Variants in DOCK3 observed in about 807,000 individuals in gnomAD.
DOCK3 encodes dedicator of cytokinesis 3.
Under a neutral mutation model 265.6 loss-of-function variants are expected in DOCK3, and 60 were observed. The observed-to-expected ratio is 0.23, with a 90% CI of 0.18 to 0.28. The LOEUF (loss-of-function observed/expected upper bound fraction) is 0.28, where lower values mean the gene tolerates loss of function less well. DOCK3 is among the 10% of genes least tolerant of loss of function. DOCK3 has a pLI of 1.00. For synonymous variants in DOCK3, 881 were observed against 938.0 expected, an observed-to-expected ratio of 0.94 and a Z score of 1.11; for missense variants, 1,981 against 2,594.3, an observed-to-expected ratio of 0.76 and a Z score of 5.14.
intron 38 of DOCK3, among the ~76,000 whole-genome samples, chr3:51,348,477 G>A (rs1311797811): frequency 1.3e-5 from 2 of 152,088 alleles, no homozygotes; most frequent in African/African-American, 2.4e-5. Flanking sequence ...AAATAAACAG[G>A]GTCCCTGCCC....
At chr3:51,128,226 GC>G (rs1329037969) in intron 9 of DOCK3, among the ~76,000 whole-genome samples, 1 of 152,160 alleles carries the variant, frequency 6.6e-6, no homozygotes, top group Non-Finnish European at 1.5e-5. Context: ...GGTGAGTGGT[GC>G]CACTTCCACT....
intron 4 of DOCK3, among the ~76,000 whole-genome samples, chr3:50,928,024 G>C (rs921570449): frequency 1.3e-5 from 2 of 151,754 alleles, no homozygotes; most frequent in African/African-American, 4.8e-5. Context: ...GATTTCATCA[G>C]TACTGTCTTG....
intron 5 of DOCK3, among the ~76,000 whole-genome samples, chr3:50,974,748 G>A (rs1013773856): frequency 2.0e-4 from 26 of 130,792 alleles, no homozygotes; most frequent in South Asian, 6.0e-4. Flanking sequence ...CCATTTTCAC[G>A]ATATTGATTC....
intron 20 of DOCK3, among the ~76,000 whole-genome samples, chr3:51,237,049 C>G (rs1391299769): frequency 6.6e-6 from 1 of 152,110 alleles, no homozygotes; most frequent in Non-Finnish European, 1.5e-5. Flanking sequence ...TCTTCTTCTT[C>G]CTAATTTGCC....
intron 5 of DOCK3, among the ~76,000 whole-genome samples, chr3:50,953,258 T>G (rs1244648563): frequency 1.3e-5 from 2 of 152,184 alleles, no homozygotes; most frequent in Non-Finnish European, 2.9e-5. Context: ...AAATGATGTT[T>G]GGTTTCTAGG....
At chr3:51,309,308 G>A (rs1204462887) in intron 27 of DOCK3, among the ~76,000 whole-genome samples, 1 of 152,232 alleles carries the variant, frequency 6.6e-6, no homozygotes, top group Non-Finnish European at 1.5e-5. Flanking sequence ...AGCACTGAGT[G>A]AACGAGACTC....
At chr3:50,905,371 A>G (rs1399858707) in intron 4 of DOCK3, among the ~76,000 whole-genome samples, 9 of 151,940 alleles carry the variant, frequency 5.9e-5, no homozygotes, top group Non-Finnish European at 1.2e-4. Flanking sequence ...CATTTTCACG[A>G]TATTGCTTCT....
intron 3 of DOCK3, among the ~76,000 whole-genome samples, chr3:50,866,153 T>C (rs2047131601): frequency 6.6e-6 from 1 of 152,158 alleles, no homozygotes; most frequent in Non-Finnish European, 1.5e-5. Flanking sequence ...TTTGTCCATT[T>C]TTTCTTTTGT....
chr3:51,037,457 T>C (rs2080313456), intron 5 of DOCK3, among the ~76,000 whole-genome samples: 1 of 152,166 alleles, frequency 6.6e-6, no homozygotes, highest in Non-Finnish European at 1.5e-5. Context: ...CCTCATGAGG[T>C]TTTTATTCAT....
chr3:50,808,396 A>G (rs2106714730), intron 2 of DOCK3, among the ~76,000 whole-genome samples: 1 of 152,310 alleles, frequency 6.6e-6, no homozygotes, highest in Non-Finnish European at 1.5e-5. Context: ...AAGGTTACAA[A>G]GAATATGATA....
intron 4 of DOCK3, among the ~76,000 whole-genome samples, chr3:50,905,665 G>A (rs1240069719): frequency 6.6e-6 from 1 of 152,104 alleles, no homozygotes; most frequent in African/African-American, 2.4e-5. Flanking sequence ...ACTTTGGGCT[G>A]AGACAATGGG....
intron 5 of DOCK3, among the ~76,000 whole-genome samples, chr3:50,970,921 A>G (rs1575640602): frequency 4.2e-5 from 3 of 70,618 alleles, no homozygotes; most frequent in African/African-American, 1.7e-4. Flanking sequence ...ATATATATAT[A>G]TATATATATA....
chr3:50,751,513 G>A (rs530447065), intron 1 of DOCK3, among the ~76,000 whole-genome samples: 4 of 152,110 alleles, frequency 2.6e-5, no homozygotes, highest in Non-Finnish European at 4.4e-5. Context: ...ATAAGCAGTT[G>A]TTGTGCAATG....
At chr3:51,265,862 G>GA (rs2080132518) in intron 23 of DOCK3, among the ~76,000 whole-genome samples, 1 of 152,036 alleles carries the variant, frequency 6.6e-6, no homozygotes, top group African/African-American at 2.4e-5. Flanking sequence ...TCAGGCAAGA[G>GA]AAAAAAATAA....
At chr3:51,079,907 C>T (rs2082170696) in intron 7 of DOCK3, among the ~76,000 whole-genome samples, 1 of 152,130 alleles carries the variant, frequency 6.6e-6, no homozygotes, top group African/African-American at 2.4e-5. Flanking sequence ...ATTATAGCCC[C>T]CTGCTTCATT....
chr3:51,122,515 T>C (rs890100978), intron 9 of DOCK3, among the ~76,000 whole-genome samples: 1 of 152,202 alleles, frequency 6.6e-6, no homozygotes, highest in Admixed American at 6.5e-5. Flanking sequence ...AACCCTGAAA[T>C]ACACAATTGT....
intron 14 of DOCK3, among the ~76,000 whole-genome samples, chr3:51,222,584 C>A (rs1030236572): frequency 6.6e-6 from 1 of 152,156 alleles, no homozygotes; most frequent in African/African-American, 2.4e-5. Flanking sequence ...TAATTGCAAC[C>A]CATAAGCCCA....
At chr3:50,892,477 C>T (rs1021123352) in intron 4 of DOCK3, among the ~76,000 whole-genome samples, 3 of 152,100 alleles carry the variant, frequency 2.0e-5, no homozygotes, top group African/African-American at 7.2e-5. Flanking sequence ...TTCACTCTTA[C>T]CTTTGTCAGT....
chr3:51,106,308 G>A (rs1036867574), intron 9 of DOCK3, among the ~76,000 whole-genome samples: 1 of 152,212 alleles, frequency 6.6e-6, no homozygotes, highest in Non-Finnish European at 1.5e-5. Flanking sequence ...CATAGCTCCT[G>A]CACTGGCAGG....
Sources: gnomAD v4.1 joint callset for allele counts (sites outside exome capture counted in the v4.1 genomes callset) on GRCh38, gnomAD v4.1.1 for gene constraint, MANE v1.5 for transcripts, NCBI Gene and HGNC (gene_info 2026-07-23, HGNC 2026-07-21) for gene names.